The following PRKG1 variants were observed in gnomAD, a reference collection of about 807,000 sequenced individuals.
PRKG1 encodes the protein protein kinase cGMP-dependent 1.
In PRKG1, 35 loss-of-function variants were observed where a neutral mutation model predicts 88.1. The observed-to-expected ratio is 0.40, with a 90% CI of 0.30 to 0.53. The LOEUF (loss-of-function observed/expected upper bound fraction) is 0.53. Ranked by LOEUF, PRKG1 falls within the 20% of genes least tolerant of loss-of-function variation. The pLI, the probability that PRKG1 is intolerant of heterozygous loss-of-function variation, is 0.59. For missense variants in PRKG1, 540 were observed against 839.8 expected, an observed-to-expected ratio of 0.64 and a Z score of 4.41; for synonymous variants, 303 against 292.5, an observed-to-expected ratio of 1.04 and a Z score of -0.37.
chr10:51,045,658 A>G (rs1278352500), intron 1 of PRKG1, among the ~76,000 whole-genome samples: 1 of 152,188 alleles, frequency 6.6e-6, no homozygotes, highest in Admixed American at 6.5e-5. Flanking sequence ...CCTTGTCCAT[A>G]TGCACATGTA....
chr10:51,729,602 G>C (rs1427974548), intron 3 of PRKG1, among the ~76,000 whole-genome samples: 1 of 149,598 alleles, frequency 6.7e-6, no homozygotes, highest in African/African-American at 2.5e-5. Context: ...AGCTGCTCAG[G>C]AGGCTGAGGC....
chr10:51,941,862 A>T, intron 5 of PRKG1, among the ~76,000 whole-genome samples: 1 of 151,922 alleles, frequency 6.6e-6, no homozygotes, highest in Non-Finnish European at 1.5e-5. Flanking sequence ...ATTGTTGGAC[A>T]TTTGGGTTGG....
At chr10:51,308,779 G>A (rs1841104289) in intron 2 of PRKG1, among the ~76,000 whole-genome samples, 1 of 152,096 alleles carries the variant, frequency 6.6e-6, no homozygotes, top group Non-Finnish European at 1.5e-5. Flanking sequence ...TAAATTAAAG[G>A]GAAAAAGTGG....
At chr10:51,780,549 G>A (rs564139871) in intron 3 of PRKG1, among the ~76,000 whole-genome samples, 3 of 152,216 alleles carry the variant, frequency 2.0e-5, no homozygotes, top group Admixed American at 6.5e-5. Context: ...ATAGTCTTAA[G>A]CTACCACATA....
chr10:51,182,464 T>C (rs2132027382), intron 2 of PRKG1, among the ~76,000 whole-genome samples: 1 of 152,302 alleles, frequency 6.6e-6, no homozygotes, highest in Non-Finnish European at 1.5e-5. Flanking sequence ...AATAGATCTT[T>C]GCATCACGTT....
intron 9 of PRKG1, among the ~76,000 whole-genome samples, chr10:52,198,899 A>G (rs191306182): frequency 3.8e-4 from 58 of 151,866 alleles, no homozygotes; most frequent in African/African-American, 1.3e-3. Context: ...TTTAGGGTCT[A>G]TTTACAGGTT....
intron 2 of PRKG1, among the ~76,000 whole-genome samples, chr10:51,409,735 T>G (rs1838024015): frequency 6.7e-6 from 1 of 149,772 alleles, no homozygotes; most frequent in African/African-American, 2.5e-5. Context: ...GTGCCTGTAA[T>G]CCCAGCTACT....
rs552926000 is a variant in PRKG1 at position 52,006,653 on chromosome 10, C to T, written c.763-47831C>T. ...ACATATAAAGACCAAATCTATGATT[C>T]ACTGATGTCCCTGAAAGAGGGAAAA... On this transcript the variant is annotated intron_variant, in intron 5 of 17. Coordinates refer to ENST00000373980, the MANE Select transcript of PRKG1 (RefSeq NM_006258.4). Among the ~76,000 whole-genome samples, 3 of 152,230 alleles carry T rather than the reference C, an allele frequency of 2.0e-5. No homozygotes were observed. The East Asian group carries it at 5.8e-4, about 29-fold the overall frequency.
intron 3 of PRKG1, among the ~76,000 whole-genome samples, chr10:51,542,297 G>A (rs1589060836): frequency 6.6e-6 from 1 of 152,158 alleles, no homozygotes; most frequent in African/African-American, 2.4e-5. Context: ...TAACATGCCT[G>A]AAACGTTCCG....
intron 7 of PRKG1, among the ~76,000 whole-genome samples, chr10:52,098,090 T>G (rs1266225123): frequency 6.6e-6 from 1 of 152,156 alleles, no homozygotes; most frequent in East Asian, 1.9e-4. Flanking sequence ...GTTGCAAAGT[T>G]AAAAGGAAGA....
intron 7 of PRKG1, among the ~76,000 whole-genome samples, chr10:52,121,384 C>T (rs1364509064): frequency 2.0e-5 from 3 of 152,232 alleles, no homozygotes; most frequent in Non-Finnish European, 4.4e-5. Context: ...TTAGTATTCT[C>T]TCCCAAGCAT....
At chr10:52,082,227 C>A (rs932448630) in intron 7 of PRKG1, among the ~76,000 whole-genome samples, 10 of 152,098 alleles carry the variant, frequency 6.6e-5, no homozygotes, top group African/African-American at 2.2e-4. Flanking sequence ...AAATTACCTC[C>A]CATTGGGTCC....
intron 5 of PRKG1, among the ~76,000 whole-genome samples, chr10:51,988,448 T>C (rs1844219688): frequency 6.6e-6 from 1 of 152,042 alleles, no homozygotes; most frequent in East Asian, 1.9e-4. Context: ...AAATCTCCAA[T>C]ATGAGAGTAT....
At chr10:51,177,655 C>A (rs572622013) in intron 2 of PRKG1, among the ~76,000 whole-genome samples, 1 of 152,020 alleles carries the variant, frequency 6.6e-6, no homozygotes, top group Non-Finnish European at 1.5e-5. Flanking sequence ...TATTCCAACT[C>A]TATGGAAATG....
chr10:51,751,439 G>A (rs1323682547), intron 3 of PRKG1, among the ~76,000 whole-genome samples: 1 of 152,084 alleles, frequency 6.6e-6, no homozygotes, highest in Non-Finnish European at 1.5e-5. Context: ...TGTTGGCCAG[G>A]CAGGTCTTGA....
intron 7 of PRKG1, among the ~76,000 whole-genome samples, chr10:52,096,385 C>A (rs1009950281): frequency 1.3e-5 from 2 of 152,170 alleles, no homozygotes; most frequent in African/African-American, 4.8e-5. Context: ...CATACCCTCC[C>A]ATTTATCCTG....
intron 9 of PRKG1, among the ~76,000 whole-genome samples, chr10:52,164,211 C>T (rs759361581): frequency 2.6e-5 from 4 of 151,738 alleles, no homozygotes; most frequent in Non-Finnish European, 2.9e-5. Context: ...ATTAGCCAGG[C>T]GTGGTGGTGG....
chr10:51,240,824 C>T (rs1839133307), intron 2 of PRKG1, among the ~76,000 whole-genome samples: 1 of 152,138 alleles, frequency 6.6e-6, no homozygotes, highest in African/African-American at 2.4e-5. Flanking sequence ...AAAGTACTGA[C>T]CTCTTAGGGA....
chr10:52,161,745 A>G (rs2132688186), intron 8 of PRKG1, 144 bp from the exon 9 acceptor site: 3 of 687,074 alleles, frequency 4.4e-6, no homozygotes, highest in East Asian at 5.6e-5. Context: ...AATGTCTGAC[A>G]TGCTTCTTAT....
Sources: gnomAD v4.1 joint callset for allele counts (sites outside exome capture counted in the v4.1 genomes callset) on GRCh38, gnomAD v4.1.1 for gene constraint, MANE v1.5 for transcripts, NCBI Gene and HGNC (gene_info 2026-07-23, HGNC 2026-07-21) for gene names.